Variants in LIN28B observed in about 807,000 individuals in gnomAD.
LIN28B encodes lin-28 RNA binding posttranscriptional regulator B, also known as protein lin-28 homolog B.
LIN28B carries 5 observed loss-of-function variants against 21.9 expected under a neutral mutation model. The ratio of observed to expected loss-of-function variants is 0.23; its 90% CI spans 0.12 to 0.48. The LOEUF (loss-of-function observed/expected upper bound fraction) is 0.48, where lower values mean the gene tolerates loss of function less well. Ranked by LOEUF, LIN28B falls within the 20% of genes least tolerant of loss-of-function variation. The pLI is 0.98. For synonymous variants in LIN28B, 109 were observed against 111.3 expected, an observed-to-expected ratio of 0.98 and a Z score of 0.13; for missense variants, 245 against 310.5, an observed-to-expected ratio of 0.79 and a Z score of 1.58.
chr6:104,949,680 C>A (rs974225996), intron 2 of LIN28B, among the ~76,000 whole-genome samples: 8 of 152,058 alleles, frequency 5.3e-5, no homozygotes, highest in African/African-American at 1.9e-4. Flanking sequence ...TTTTGCAAAC[C>A]TTAATAACTG....
At chr6:105,033,399 C>CA (rs1316872104) in intron 3 of LIN28B, among the ~76,000 whole-genome samples, 27 of 151,106 alleles carry the variant, frequency 1.8e-4, no homozygotes, top group Non-Finnish European at 3.3e-4. Flanking sequence ...CTCCCTGTGG[C>CA]AAAAAAAATG....
chr6:105,047,527 T>G (rs1369172986), intron 3 of LIN28B, among the ~76,000 whole-genome samples: 1 of 152,212 alleles, frequency 6.6e-6, no homozygotes, highest in African/African-American at 2.4e-5. Context: ...ATATGAACTT[T>G]AAAGTAGTTT....
intron 2 of LIN28B, among the ~76,000 whole-genome samples, chr6:105,007,683 C>T (rs963949869): frequency 2.0e-5 from 3 of 151,954 alleles, no homozygotes; most frequent in Admixed American, 1.3e-4. Context: ...TACCACCACA[C>T]CTGGCAAATT....
intron 2 of LIN28B, among the ~76,000 whole-genome samples, chr6:104,979,571 G>T: frequency 6.6e-6 from 1 of 150,650 alleles, no homozygotes. Context: ...TTACCCTTTG[G>T]TATATTTTCT....
intron 3 of LIN28B, among the ~76,000 whole-genome samples, chr6:105,052,302 T>C (rs956707501): frequency 6.6e-6 from 1 of 152,188 alleles, no homozygotes; most frequent in African/African-American, 2.4e-5. Context: ...TACTTTGTGC[T>C]ACTATGAAAG....
At chr6:104,959,515 C>CT (rs946718870) in intron 2 of LIN28B, among the ~76,000 whole-genome samples, 4 of 152,138 alleles carry the variant, frequency 2.6e-5, no homozygotes, top group African/African-American at 9.7e-5. Flanking sequence ...TCCTGTGGTG[C>CT]TTGGTAGCTT....
chr6:104,995,379 G>A (rs1028647791), intron 2 of LIN28B, among the ~76,000 whole-genome samples: 4 of 152,176 alleles, frequency 2.6e-5, no homozygotes, highest in Non-Finnish European at 5.9e-5. Flanking sequence ...GAGTGGATCG[G>A]AGAGACAGAA....
At chr6:105,008,231 G>A (rs568648228) in intron 2 of LIN28B, among the ~76,000 whole-genome samples, 32 of 152,158 alleles carry the variant, frequency 2.1e-4, no homozygotes, top group Non-Finnish European at 4.1e-4. Flanking sequence ...ATAAATTAAC[G>A]GAATTATTTT....
At chr6:105,072,755 G>A (rs9404597) in intron 3 of LIN28B, among the ~76,000 whole-genome samples, 20,169 of 152,010 alleles carry the variant, frequency 0.13, 1,856 homozygotes, top group East Asian at 0.38. Flanking sequence ...TATGAATTTG[G>A]TTATGAGAAG....
intron 3 of LIN28B, among the ~76,000 whole-genome samples, chr6:105,038,020 G>T (rs1208793210): frequency 6.6e-6 from 1 of 152,018 alleles, no homozygotes; most frequent in African/African-American, 2.4e-5. Context: ...GGAAATACAG[G>T]ATAATATTCC....
intron 2 of LIN28B, among the ~76,000 whole-genome samples, chr6:104,997,525 CAA>C (rs968407590): frequency 6.6e-6 from 1 of 151,036 alleles, no homozygotes; most frequent in African/African-American, 2.4e-5. Flanking sequence ...ATAGTACCAA[CAA>C]AAATATGTAA....
intron 1 of LIN28B, 129 bp from the exon 2 acceptor site, chr6:104,957,970 C>T: frequency 1.9e-6 from 1 of 526,850 alleles, no homozygotes; most frequent in Non-Finnish European, 3.3e-6. Context: ...GAAATCAAAC[C>T]ATTAAAAAAA....
intron 2 of LIN28B, among the ~76,000 whole-genome samples, chr6:104,997,649 C>T (rs532671955): frequency 6.6e-6 from 1 of 151,232 alleles, no homozygotes; most frequent in African/African-American, 2.4e-5. Flanking sequence ...AGAGGTTTGA[C>T]ATTTGGTGAT....
At chr6:105,009,660 C>G (rs1390577444) in intron 2 of LIN28B, among the ~76,000 whole-genome samples, 1 of 152,144 alleles carries the variant, frequency 6.6e-6, no homozygotes, top group Non-Finnish European at 1.5e-5. Context: ...GTTCTCAAAG[C>G]CAGATCAGCT....
intron 3 of LIN28B, among the ~76,000 whole-genome samples, chr6:105,031,736 C>T (rs766583903): frequency 3.3e-5 from 5 of 152,030 alleles, no homozygotes; most frequent in South Asian, 4.2e-4. Flanking sequence ...GGAGTTTCAC[C>T]GTGTTAGCCA....
intron 2 of LIN28B, among the ~76,000 whole-genome samples, chr6:104,993,695 TGTG>T (rs1770540497): frequency 6.6e-6 from 1 of 151,064 alleles, no homozygotes; most frequent in African/African-American, 2.4e-5. Flanking sequence ...ACTAGCCAGG[TGTG>T]GTGGCATGCA....
chr6:104,954,123 C>A (rs114821861), upstream of LIN28B, among the ~76,000 whole-genome samples: 3,374 of 152,160 alleles, frequency 0.022, 136 homozygotes, highest in African/African-American at 0.078. Flanking sequence ...TTTGAAAGAA[C>A]TATAAGTCAA....
intron 2 of LIN28B, among the ~76,000 whole-genome samples, chr6:104,997,392 A>G (rs902551771): frequency 1.3e-5 from 2 of 152,072 alleles, no homozygotes; most frequent in East Asian, 1.9e-4. Context: ...TGTGATTTAT[A>G]TAGTATTTCG....
chr6:104,942,735 T>C (rs1778111460), intron 2 of LIN28B, among the ~76,000 whole-genome samples: 1 of 152,136 alleles, frequency 6.6e-6, no homozygotes, highest in African/African-American at 2.4e-5. Flanking sequence ...GCTTTAGAAA[T>C]GAAACTGACA....
Sources: allele counts gnomAD v4.1 joint callset (sites outside exome capture counted in the v4.1 genomes callset), GRCh38; gene constraint gnomAD v4.1.1; transcripts MANE v1.5; gene names NCBI Gene and HGNC (gene_info 2026-07-23, HGNC 2026-07-21).